KIAA1755: variants seen among roughly 807,000 people sequenced by gnomAD.
KIAA1755 encodes the protein uncharacterized protein KIAA1755.
Under a neutral mutation model 91.7 loss-of-function variants are expected in KIAA1755, and 68 were observed. The ratio of observed to expected loss-of-function variants is 0.74; its 90% CI spans 0.61 to 0.91. KIAA1755 has a LOEUF of 0.91. Ranked by LOEUF, KIAA1755 falls within the 40% of genes least tolerant of loss-of-function variation. KIAA1755 has a pLI of 0.00. For missense variants in KIAA1755, 1,535 were observed against 1,494.4 expected (o/e 1.03, Z -0.45); for synonymous variants, 610 against 604.6 (o/e 1.01, Z -0.13).
At chr20:38,236,288 C>T (rs1225511814) in intron 4 of KIAA1755, among the ~76,000 whole-genome samples, 2 of 152,260 alleles carry the variant, frequency 1.3e-5, no homozygotes, top group Non-Finnish European at 2.9e-5. Flanking sequence ...GAGACCTCCA[C>T]GCAGAGACAT....
chr20:38,222,872 T>TGTTCTC, intron 9 of KIAA1755: 1 of 544,512 alleles, frequency 1.8e-6, no homozygotes, highest in Non-Finnish European at 3.3e-6. Context: ...CCCTACAGTC[T>TGTTCTC]GTTCTCCACA....
intron 1 of KIAA1755, among the ~76,000 whole-genome samples, chr20:38,252,599 A>G (rs1271750369): frequency 6.6e-6 from 1 of 152,108 alleles, no homozygotes; most frequent in Non-Finnish European, 1.5e-5. Flanking sequence ...CCTGGGGACC[A>G]CCAGCTGTGG....
chr20:38,231,169 G>C, intron 5 of KIAA1755, 33 bp downstream of exon 5: 1 of 1,596,914 alleles, frequency 6.3e-7, no homozygotes, highest in East Asian at 2.2e-5. Context: ...GTTGAGGTGG[G>C]GATGGAGCAG....
Position 38,246,075 on chromosome 20 carries a change from G to C in KIAA1755, c.55C>G (p.Pro19Ala). 1.2e-6 allele frequency: 2 copies of C among 1,614,084 alleles called. No homozygotes were observed. The highest frequency in any genetic ancestry group is 8.5e-7 in the Non-Finnish European group (1 of 1,180,010). The change falls in exon 2 of 14, where the codon CCT (proline) becomes GCT (alanine). Residue 19 changes from proline (P) to alanine (A), a missense_variant. Transcript: ENST00000279024. ...AIQHALAGLY[P>A]PFEATAPTVL... Reference sequence around the variant, plus strand: ...GTGGGTGCTGTGGCCTCGAAAGGAGGATAGAGGCCCGCCAGGGCATGCTGG... The same window carrying C: ...GTGGGTGCTGTGGCCTCGAAAGGAGCATAGAGGCCCGCCAGGGCATGCTGG...
chr20:38,238,351 A>T (rs1160993507), intron 4 of KIAA1755, among the ~76,000 whole-genome samples: 1 of 152,206 alleles, frequency 6.6e-6, no homozygotes, highest in East Asian at 1.9e-4. Flanking sequence ...TCCTGAAGAG[A>T]TATGGAAGTC....
At chr20:38,242,398 A>G (rs2076085810) in intron 2 of KIAA1755, among the ~76,000 whole-genome samples, 1 of 152,216 alleles carries the variant, frequency 6.6e-6, no homozygotes, top group African/African-American at 2.4e-5. Context: ...AATACATGTC[A>G]GTATTACTGG....
At chr20:38,217,682 G>A (rs2075575136) in intron 12 of KIAA1755, 5 of 590,728 alleles carry the variant, frequency 8.5e-6, no homozygotes, top group East Asian at 2.8e-5. Context: ...CAGTTATCAC[G>A]CTTCTGGAAG....
In KIAA1755 at chr20:38,260,727, G is replaced by T; in HGVS notation, c.-227C>A. ...GAGAGGGACTGAGGCTGGAGACGGC[G>T]AGAGACATAAGGGAGCCGCGGGCGG... On this transcript the variant is annotated 5_prime_UTR_variant, in exon 1 of 14. Transcript: ENST00000279024. 4.7e-6 allele frequency: 2 copies of T among 421,464 alleles called. No individual in the cohort carries two copies. Among genetic ancestry groups the T allele is most frequent in the South Asian group, 2.4e-4 (2 of 8,398 alleles). The allele number at this position is 421,464 out of a possible 1,614,324, so 26.1% of individuals were successfully genotyped here.
At chr20:38,226,202 C>A (rs1036497591) in intron 7 of KIAA1755, among the ~76,000 whole-genome samples, 2 of 152,182 alleles carry the variant, frequency 1.3e-5, no homozygotes, top group African/African-American at 4.8e-5. Flanking sequence ...CTTCTTGGGG[C>A]TGGTGAGAAA....
chr20:38,229,078 C>T lies in KIAA1755; in HGVS notation c.1872-838G>A, dbSNP rs541538666. Among the ~76,000 whole-genome samples the T allele has an allele frequency of 1.1e-4, 17 of 152,286 alleles. No homozygotes were observed. In the East Asian group the frequency reaches 3.1e-3, roughly 28 times the overall value. ...AGGGAATCTGTGTGGTTCCAAGCAC[C>T]CTCGGCCAGTCTAATGATCAGGCAG... On this transcript the variant is annotated intron_variant, in intron 5 of 13. Transcript: ENST00000279024.
chr20:38,260,447 G>C lies in KIAA1755; in HGVS notation c.3+51C>G, dbSNP rs1490655106. ...TGTTCTGCAGGGAATGGGGAGGGCT[G>C]TGCCCACTGAAAGGGGGCAGAGCGA... On this transcript the variant is annotated intron_variant, in intron 1 of 13. Coordinates refer to ENST00000279024, the MANE Select transcript of KIAA1755 (RefSeq NM_001029864.2). 11 of 1,529,654 alleles carry C rather than the reference G, an allele frequency of 7.2e-6. No homozygotes were observed. In the Admixed American group the frequency reaches 8.6e-5, roughly 12 times the overall value. The allele number at this position is 1,529,654 out of a possible 1,614,324, so 94.8% of individuals were successfully genotyped here.
At chr20:38,217,958 C>G in intron 12 of KIAA1755, 2 of 471,028 alleles carry the variant, frequency 4.2e-6, no homozygotes, top group Non-Finnish European at 7.6e-6. Context: ...CCCTCCAACC[C>G]CCGGCTCTGT....
chr20:38,240,725 G>A lies in KIAA1755; in HGVS notation c.1406C>T (p.Pro469Leu). 2.5e-6 allele frequency: 4 copies of A among 1,572,230 alleles called. No individual in the cohort carries two copies. The South Asian group carries it at 4.8e-5, about 19-fold the overall frequency. Reference sequence around the variant, plus strand: ...TCTCAAGAATGAGAATTTGAGCCCAGGAGTGGGGGGCTCAGGGGAGGAGGT... The same window carrying A: ...TCTCAAGAATGAGAATTTGAGCCCAAGAGTGGGGGGCTCAGGGGAGGAGGT... ...RNTSSPEPPT[P>L]GLKFSFLRGQ... The change falls in exon 3 of 14, where the codon CCT becomes CTT. Residue 469 changes from proline to leucine, a missense_variant. Pro to Leu is a moderately conservative substitution (Grantham distance 98). Transcript: ENST00000279024.
intron 12 of KIAA1755, 154 bp downstream of exon 12, chr20:38,218,090 C>T: frequency 1.1e-6 from 1 of 878,344 alleles, no homozygotes; most frequent in Non-Finnish European, 1.8e-6. Context: ...GAGATAACAT[C>T]TCAGCTGAAC....
intron 8 of KIAA1755, 35 bp downstream of exon 8, chr20:38,225,629 TG>T (rs1333636032): frequency 3.2e-6 from 4 of 1,242,506 alleles, no homozygotes; most frequent in Non-Finnish European, 4.8e-6. Context: ...AGAGAAGGAG[TG>T]GGGGTCAGGG....
intron 11 of KIAA1755, among the ~76,000 whole-genome samples, chr20:38,218,680 G>T (rs1035536355): frequency 6.6e-6 from 1 of 152,256 alleles, no homozygotes; most frequent in Non-Finnish European, 1.5e-5. Context: ...ACTCAGAGAC[G>T]CCGGATCATA....
intron 1 of KIAA1755, 54 bp downstream of exon 1, chr20:38,260,429 CAGGGAATGGGGAGGG>C: frequency 6.4e-7 from 1 of 1,573,308 alleles, no homozygotes; most frequent in Non-Finnish European, 8.6e-7. Context: ...GGCTGTTCTG[CAGGGAATGGGGAGGG>C]CTGTGCCCAC....
At chr20:38,254,961 G>T (rs2076314671) in intron 1 of KIAA1755, among the ~76,000 whole-genome samples, 1 of 152,070 alleles carries the variant, frequency 6.6e-6, no homozygotes, top group South Asian at 2.1e-4. Context: ...CAGATCACCT[G>T]ATGTCAGGAG....
At position 38,241,316 on chromosome 20, in the gene KIAA1755, TC is replaced by T. The variant is rs781638769; in HGVS notation, c.814del (p.Glu272ArgfsTer8). On this transcript the variant is annotated frameshift_variant, in exon 3 of 14. Transcript: ENST00000279024. LOFTEE classifies it high-confidence loss of function. ...RMDEVVSQDF[E>X]GDYVALLGFS... ...GCCTAGGAGAGCCACATAGTCTCCC[TC>T]GAAGTCCTGGCTGACCACCTCGTCC... 10 of 1,614,052 alleles carry T rather than the reference TC, an allele frequency of 6.2e-6. No homozygotes were observed. In the Admixed American group the frequency reaches 1.3e-4, roughly 22 times the overall value.
Sources: allele counts gnomAD v4.1 joint callset (sites outside exome capture counted in the v4.1 genomes callset), GRCh38; gene constraint gnomAD v4.1.1; transcripts MANE v1.5; gene names NCBI Gene and HGNC (gene_info 2026-07-23, HGNC 2026-07-21).